Variants in ZCWPW2 observed in about 807,000 individuals in gnomAD.
The protein encoded by ZCWPW2 is zinc finger CW-type PWWP domain protein 2.
ZCWPW2 carries 45 observed loss-of-function variants against 46.6 expected under a neutral mutation model. That is an observed-to-expected ratio of 0.96 (90% CI 0.76 to 1.24). The LOEUF is 1.24. ZCWPW2 is among the 50% of genes most tolerant of loss of function. The probability of loss-of-function intolerance (pLI) is 0.00; values close to 1 mark genes in which losing one functional copy is unlikely to be tolerated. For synonymous variants in ZCWPW2, 152 were observed against 137.1 expected, an observed-to-expected ratio of 1.11 and a Z score of -0.76; for missense variants, 429 against 403.9, an observed-to-expected ratio of 1.06 and a Z score of -0.53.
At chr3:28,437,548 A>C (rs1697550021) in intron 4 of ZCWPW2, among the ~76,000 whole-genome samples, 1 of 152,144 alleles carries the variant, frequency 6.6e-6, no homozygotes, top group African/African-American at 2.4e-5. Flanking sequence ...TAATAGGTGC[A>C]TGGTTGCCTT....
Position 28,435,132 on chromosome 3 carries a change from G to C in ZCWPW2, c.355G>C (p.Asp119His). 1 of 1,611,548 alleles carries C rather than the reference G, an allele frequency of 6.2e-7. No homozygotes were observed. Among genetic ancestry groups the C allele is most frequent in the South Asian group, 1.1e-5 (1 of 90,066 alleles). Residue 119 changes from aspartate to histidine, a missense_variant, in exon 4 of 10, where the codon GAC (aspartate) becomes CAC (histidine). Coordinates refer to ENST00000383768, the MANE Select transcript of ZCWPW2 (RefSeq NM_001040432.4). Reference sequence around the variant, plus strand: ...AAGTTGGCCAGGAATACTTTGCCCTGACCGTTTTAAAGGGAAATATGTAAC... The same window carrying C: ...AAGTTGGCCAGGAATACTTTGCCCTCACCGTTTTAAAGGGAAATATGTAAC... Reference protein sequence around the residue: ...WPSWPGILCPDRFKGKYVTYD... With the variant: ...WPSWPGILCPHRFKGKYVTYD...
At chr3:28,473,759 A>C (rs1699124124) in intron 4 of ZCWPW2, among the ~76,000 whole-genome samples, 1 of 152,212 alleles carries the variant, frequency 6.6e-6, no homozygotes, top group South Asian at 2.1e-4. Flanking sequence ...CATTACGTTA[A>C]GTGAAATAAG....
intron 4 of ZCWPW2, among the ~76,000 whole-genome samples, chr3:28,445,613 C>T (rs1484828378): frequency 6.6e-6 from 1 of 151,862 alleles, no homozygotes; most frequent in Non-Finnish European, 1.5e-5. Context: ...CAAAAGAAGC[C>T]AGTAAGGCAA....
chr3:28,477,812 T>G (rs1226227667), intron 4 of ZCWPW2, among the ~76,000 whole-genome samples: 1 of 152,118 alleles, frequency 6.6e-6, no homozygotes, highest in Non-Finnish European at 1.5e-5. Flanking sequence ...CATATTCCTT[T>G]TGCTGGTATT....
intron 4 of ZCWPW2, among the ~76,000 whole-genome samples, chr3:28,436,448 G>T (rs978701400): frequency 7.1e-6 from 1 of 140,340 alleles, no homozygotes. Flanking sequence ...GATGTTTTTT[G>T]TTTGTTTTGT....
chr3:28,393,697 C>T (rs1695584450), intron 2 of ZCWPW2, among the ~76,000 whole-genome samples: 1 of 152,084 alleles, frequency 6.6e-6, no homozygotes, highest in African/African-American at 2.4e-5. Flanking sequence ...ATTATATGAT[C>T]ATCTCAATAG....
intron 3 of ZCWPW2, among the ~76,000 whole-genome samples, chr3:28,434,447 T>G (rs1697401252): frequency 6.6e-6 from 1 of 152,228 alleles, no homozygotes; most frequent in East Asian, 1.9e-4. Context: ...TTGTAGAGGT[T>G]TATGTCATGA....
rs918722403 is a variant in ZCWPW2, at chr3:28,434,785, C to CT, written c.333-316dup. On this transcript the variant is annotated intron_variant, in intron 3 of 9. Transcript: ENST00000383768. ...TCAGCTCTACATGAATTTGAGGAAT[C>CT]TTTTTTTTTCTCTTATCTTTTCTAT... Among the ~76,000 whole-genome samples the CT allele has an allele frequency of 3.4e-4, 52 of 151,804 alleles. 2 individuals carry two copies. The highest frequency in any genetic ancestry group is 3.1e-3 in the Admixed American group (47 of 15,216).
chr3:28,442,996 A>G (rs1697830050), intron 4 of ZCWPW2, among the ~76,000 whole-genome samples: 1 of 152,146 alleles, frequency 6.6e-6, no homozygotes, highest in Non-Finnish European at 1.5e-5. Context: ...TCAGGTAGCC[A>G]ATGTGGGGGT....
intron 2 of ZCWPW2, among the ~76,000 whole-genome samples, chr3:28,404,090 A>G (rs1696057475): frequency 6.6e-6 from 1 of 152,160 alleles, no homozygotes; most frequent in Admixed American, 6.5e-5. Context: ...CAGTCAGCAG[A>G]ATAAAAAACC....
intron 1 of ZCWPW2, among the ~76,000 whole-genome samples, chr3:28,358,667 GTGT>G (rs1158150280): frequency 6.6e-6 from 1 of 152,054 alleles, no homozygotes; most frequent in Non-Finnish European, 1.5e-5. Context: ...TCAACATCAA[GTGT>G]TGTGTAGTAG....
At chr3:28,354,167 G>T (rs1321519322) in intron 1 of ZCWPW2, among the ~76,000 whole-genome samples, 1 of 151,912 alleles carries the variant, frequency 6.6e-6, no homozygotes, top group South Asian at 2.1e-4. Context: ...TCCCTTTCAT[G>T]GGGATATCAC....
intron 4 of ZCWPW2, among the ~76,000 whole-genome samples, chr3:28,450,220 G>A (rs1020717177): frequency 6.6e-6 from 1 of 152,102 alleles, no homozygotes; most frequent in Non-Finnish European, 1.5e-5. Context: ...TCTAACTTTG[G>A]TTATGGTTTA....
intron 4 of ZCWPW2, chr3:28,447,869 GC>G: frequency 9.7e-7 from 1 of 1,032,974 alleles, no homozygotes; most frequent in Non-Finnish European, 1.5e-6. Flanking sequence ...TGTGGTGTGT[GC>G]CCAGGCAGAC....
At chr3:28,400,085 AAAAC>A (rs1308162116) in intron 2 of ZCWPW2, among the ~76,000 whole-genome samples, 3 of 152,192 alleles carry the variant, frequency 2.0e-5, no homozygotes, top group East Asian at 1.9e-4. Context: ...CATAAACAAA[AAAAC>A]AATCAAAACT....
intron 1 of ZCWPW2, among the ~76,000 whole-genome samples, chr3:28,362,027 T>C (rs1449544427): frequency 1.3e-5 from 2 of 152,140 alleles, no homozygotes; most frequent in African/African-American, 2.4e-5. Flanking sequence ...CAAAGGTATT[T>C]ATCCAAAAGA....
intron 1 of ZCWPW2, among the ~76,000 whole-genome samples, chr3:28,361,849 A>G (rs1394916787): frequency 2.6e-5 from 4 of 152,138 alleles, no homozygotes; most frequent in African/African-American, 9.7e-5. Context: ...TAGGATGGCT[A>G]TAATTTTTTT....
chr3:28,505,439 T>C (rs1222236014), intron 6 of ZCWPW2, among the ~76,000 whole-genome samples: 1 of 152,180 alleles, frequency 6.6e-6, no homozygotes, highest in Non-Finnish European at 1.5e-5. Flanking sequence ...GTTCTTTCTA[T>C]TGAAATAGTG....
rs1166095599 is a variant in ZCWPW2 at position 28,423,385 on chromosome 3, T to TA, written c.332+9986dup. ...ATCTTTTTTTTTTTTTTTTTTTTTT[T>TA]AGACAGAGTCTCACTCTGTCGCCCA... On this transcript the variant is annotated intron_variant, in intron 3 of 9. Coordinates refer to ENST00000383768, the MANE Select transcript of ZCWPW2 (RefSeq NM_001040432.4). Among the ~76,000 whole-genome samples the TA allele has an allele frequency of 7.5e-5, 11 of 146,914 alleles. 1 individual carries two copies. The highest frequency in any genetic ancestry group is 2.5e-4 in the African/African-American group (10 of 39,666).
Sources: gnomAD v4.1 joint callset for allele counts (sites outside exome capture counted in the v4.1 genomes callset) on GRCh38, gnomAD v4.1.1 for gene constraint, MANE v1.5 for transcripts, NCBI Gene and HGNC (gene_info 2026-07-23, HGNC 2026-07-21) for gene names.